The following GRID2 variants were observed in gnomAD, a reference collection of about 807,000 sequenced individuals.
The protein encoded by GRID2 is glutamate ionotropic receptor delta type subunit 2.
A neutral mutation model predicts 114.8 loss-of-function variants in GRID2; 33 were observed. That is an observed-to-expected ratio of 0.29 (90% CI 0.22 to 0.38). The LOEUF (loss-of-function observed/expected upper bound fraction) is 0.38, where lower values mean the gene tolerates loss of function less well. Among genes scored for constraint, GRID2 ranks in the 10% least tolerant of loss-of-function variants. GRID2 has a pLI of 1.00. For missense variants in GRID2, 1,184 were observed against 1,257.7 expected, an observed-to-expected ratio of 0.94 and a Z score of 0.89; for synonymous variants, 505 against 449.9, an observed-to-expected ratio of 1.12 and a Z score of -1.55.
At chr4:92,718,864 TA>T (rs1411101592) in intron 2 of GRID2, among the ~76,000 whole-genome samples, 12 of 152,042 alleles carry the variant, frequency 7.9e-5, no homozygotes, top group African/African-American at 2.9e-4. Flanking sequence ...CTTCTGAACT[TA>T]AAGAATTTTT....
At chr4:93,481,960 A>G (rs145378785) in intron 11 of GRID2, among the ~76,000 whole-genome samples, 1 of 152,168 alleles carries the variant, frequency 6.6e-6, no homozygotes, top group Non-Finnish European at 1.5e-5. Flanking sequence ...AGAAGGGTTT[A>G]TATTATTCTT....
At chr4:92,331,441 A>G (rs545741415) in intron 1 of GRID2, among the ~76,000 whole-genome samples, 8 of 152,292 alleles carry the variant, frequency 5.3e-5, no homozygotes, top group African/African-American at 1.7e-4. Context: ...TTTGCCTTAC[A>G]TATTTTGCTG....
At chr4:93,045,931 G>T (rs1456855997) in intron 2 of GRID2, among the ~76,000 whole-genome samples, 3 of 152,086 alleles carry the variant, frequency 2.0e-5, no homozygotes, top group Non-Finnish European at 4.4e-5. Context: ...TTAAAATACA[G>T]TATGATAGCA....
chr4:93,776,716 A>C (rs1169106327), downstream of GRID2, among the ~76,000 whole-genome samples: 1 of 152,202 alleles, frequency 6.6e-6, no homozygotes, highest in Non-Finnish European at 1.5e-5. Flanking sequence ...ACCTCCCCAA[A>C]GAAGACTTGG....
intron 2 of GRID2, among the ~76,000 whole-genome samples, chr4:92,679,341 A>G (rs1281251113): frequency 1.3e-5 from 2 of 151,976 alleles, no homozygotes; most frequent in Non-Finnish European, 2.9e-5. Flanking sequence ...CTAGAAGTCT[A>G]TTCCTTGTTG....
At chr4:92,914,518 G>A (rs778476290) in intron 2 of GRID2, among the ~76,000 whole-genome samples, 14 of 152,072 alleles carry the variant, frequency 9.2e-5, no homozygotes, top group Middle Eastern at 3.4e-3. Context: ...TCATCACCCC[G>A]GTATTAAGCC....
chr4:93,505,210 T>C (rs1039904870), intron 12 of GRID2, among the ~76,000 whole-genome samples: 2 of 152,160 alleles, frequency 1.3e-5, no homozygotes, highest in African/African-American at 4.8e-5. Flanking sequence ...AGTATGTTTT[T>C]GTTAACACCA....
intron 10 of GRID2, among the ~76,000 whole-genome samples, chr4:93,451,155 A>AT (rs1244964468): frequency 6.6e-6 from 1 of 152,032 alleles, no homozygotes; most frequent in African/African-American, 2.4e-5. Context: ...GTGATATGTA[A>AT]TTTTTTTAAA....
intron 12 of GRID2, among the ~76,000 whole-genome samples, chr4:93,500,808 G>T (rs2149473278): frequency 6.6e-6 from 1 of 152,046 alleles, no homozygotes; most frequent in Non-Finnish European, 1.5e-5. Flanking sequence ...ATATATATTT[G>T]CCAGGTAAGT....
At chr4:93,347,269 G>A (rs1760333348) in intron 8 of GRID2, among the ~76,000 whole-genome samples, 1 of 151,812 alleles carries the variant, frequency 6.6e-6, no homozygotes, top group South Asian at 2.1e-4. Flanking sequence ...TTATCATTTA[G>A]GCATTTTTGC....
intron 1 of GRID2, among the ~76,000 whole-genome samples, chr4:92,529,978 T>A (rs1725248150): frequency 6.6e-6 from 1 of 151,880 alleles, no homozygotes; most frequent in Admixed American, 6.6e-5. Flanking sequence ...ATACTTTGAG[T>A]TGGCAACTGT....
intron 2 of GRID2, among the ~76,000 whole-genome samples, chr4:92,809,060 C>T (rs917874614): frequency 1.3e-5 from 2 of 151,792 alleles, no homozygotes; most frequent in Non-Finnish European, 2.9e-5. Context: ...ATGATTTGAG[C>T]AAGAAAAGAT....
intron 2 of GRID2, among the ~76,000 whole-genome samples, chr4:92,669,299 G>A (rs1732935738): frequency 1.3e-5 from 2 of 151,830 alleles, no homozygotes; most frequent in Non-Finnish European, 2.9e-5. Flanking sequence ...CTCACTGCCA[G>A]ACAGGGTAGG....
intron 2 of GRID2, among the ~76,000 whole-genome samples, chr4:93,054,044 G>A (rs1350830413): frequency 6.6e-6 from 1 of 151,934 alleles, no homozygotes; most frequent in Non-Finnish European, 1.5e-5. Context: ...CCCCAAGGCA[G>A]TGTTAGCCAT....
intron 1 of GRID2, among the ~76,000 whole-genome samples, chr4:92,484,023 A>G (rs1318907124): frequency 6.6e-6 from 1 of 152,192 alleles, no homozygotes; most frequent in Non-Finnish European, 1.5e-5. Context: ...ATGTAAACTA[A>G]CTTGTAAAAC....
chr4:93,545,428 T>G (rs1423344434), intron 13 of GRID2, among the ~76,000 whole-genome samples: 1 of 152,142 alleles, frequency 6.6e-6, no homozygotes, highest in East Asian at 1.9e-4. Context: ...AGAATGAGTT[T>G]GTCATATGCT....
chr4:92,946,053 C>T (rs140345155), intron 2 of GRID2, among the ~76,000 whole-genome samples: 1,529 of 152,172 alleles, frequency 0.01, 11 homozygotes, highest in Non-Finnish European at 0.015. Context: ...CTTAAAACTG[C>T]CTTTAATCTC....
At chr4:93,655,207 A>G (rs1015119240) in intron 14 of GRID2, among the ~76,000 whole-genome samples, 1 of 152,198 alleles carries the variant, frequency 6.6e-6, no homozygotes, top group Non-Finnish European at 1.5e-5. Flanking sequence ...AAAATTAAAT[A>G]AGACATAATA....
intron 2 of GRID2, among the ~76,000 whole-genome samples, chr4:92,963,788 A>T (rs916035114): frequency 6.6e-6 from 1 of 152,034 alleles, no homozygotes; most frequent in African/African-American, 2.4e-5. Context: ...GACCCATTGG[A>T]AAAATTGCTA....
Sources: allele counts gnomAD v4.1 joint callset (sites outside exome capture counted in the v4.1 genomes callset), GRCh38; gene constraint gnomAD v4.1.1; transcripts MANE v1.5; gene names NCBI Gene and HGNC (gene_info 2026-07-23, HGNC 2026-07-21).